The following DESI2 variants were observed in gnomAD, a reference collection of about 807,000 sequenced individuals.
The protein encoded by DESI2 is desumoylating isopeptidase 2, also known as deubiquitinase DESI2.
A neutral mutation model predicts 24.1 loss-of-function variants in DESI2; 10 were observed. The observed-to-expected ratio is 0.41, with a 90% CI of 0.26 to 0.70. The LOEUF is 0.70. Among genes scored for constraint, DESI2 ranks in the 30% least tolerant of loss-of-function variants. The probability of loss-of-function intolerance (pLI) is 0.29; values close to 1 mark genes in which losing one functional copy is unlikely to be tolerated. For synonymous variants in DESI2, 71 were observed against 87.7 expected, an observed-to-expected ratio of 0.81 and a Z score of 1.06; for missense variants, 122 against 234.9, an observed-to-expected ratio of 0.52 and a Z score of 3.14.
In DESI2 at chr1:244,689,437, A is replaced by AG; in HGVS notation, c.209+96dup. On this transcript the variant is annotated intron_variant, in intron 3 of 4. Transcript: ENST00000302550. This position sits in a 1 kb window ranked among gnomAD's most constrained non-coding sequence, Gnocchi z 4.0. ...CATTCTGTAAATCAAAACAAACCCA[A>AG]GAAGTTAAAAATGTCTCTTTGTTTT... is the stretch of plus-strand genomic sequence containing the variant. 1 of 619,834 alleles carries AG rather than the reference A, an allele frequency of 1.6e-6. No homozygotes were observed. The highest frequency in any genetic ancestry group is 2.3e-5 in the South Asian group (1 of 43,744). The allele number at this position is 619,834 out of a possible 1,614,324, so 38.4% of individuals were successfully genotyped here.
Position 244,706,041 on chromosome 1 carries a change from T to C in DESI2, c.*252T>C, listed in dbSNP as rs961261420. The C allele has an allele frequency of 2.1e-6, 1 of 471,130 alleles. No individual in the cohort carries two copies. Among genetic ancestry groups the C allele is most frequent in the African/African-American group, 2.0e-5 (1 of 51,204 alleles). The allele number at this position is 471,130 out of a possible 1,614,324, so 29.2% of individuals were successfully genotyped here. On this transcript the variant is annotated 3_prime_UTR_variant, in exon 5 of 5. Transcript: ENST00000302550. Reference sequence around the variant, plus strand: ...ATCTGGATTTATTTCTTCTGTTTTATACAAGCTCTGTTAAGTTATGTTTAC... The same window carrying C: ...ATCTGGATTTATTTCTTCTGTTTTACACAAGCTCTGTTAAGTTATGTTTAC...
intron 1 of DESI2, among the ~76,000 whole-genome samples, chr1:244,659,696 G>A (rs181254283): frequency 6.6e-6 from 1 of 152,272 alleles, no homozygotes; most frequent in Admixed American, 6.5e-5. Context: ...AGATATTCCA[G>A]GATAATTTCC....
chr1:244,705,244 T>C (rs1677648402), intron 4 of DESI2, among the ~76,000 whole-genome samples: 1 of 152,214 alleles, frequency 6.6e-6, no homozygotes, highest in Non-Finnish European at 1.5e-5. Flanking sequence ...TTCAAAGTAC[T>C]TTTCAGTGTG....
At chr1:244,680,714 T>C (rs1285174695) in intron 1 of DESI2, among the ~76,000 whole-genome samples, 1 of 152,176 alleles carries the variant, frequency 6.6e-6, no homozygotes, top group East Asian at 1.9e-4. Context: ...ATAGTGGGGG[T>C]TGGCAAGTGA....
intron 4 of DESI2, among the ~76,000 whole-genome samples, chr1:244,694,111 A>T (rs61844161): frequency 0.014 from 2,095 of 152,350 alleles, 17 homozygotes; most frequent in Middle Eastern, 0.024. Flanking sequence ...TTGTTGATAT[A>T]TGTACTTTTC....
At chr1:244,662,912 T>G (rs1052325202) in intron 1 of DESI2, among the ~76,000 whole-genome samples, 1 of 152,136 alleles carries the variant, frequency 6.6e-6, no homozygotes, top group Non-Finnish European at 1.5e-5. Context: ...ATTGTTGATT[T>G]AAGTTCTCAG....
At chr1:244,659,057 G>A (rs1488109139) in intron 1 of DESI2, among the ~76,000 whole-genome samples, 2 of 150,406 alleles carry the variant, frequency 1.3e-5, no homozygotes, top group Non-Finnish European at 3.0e-5. Context: ...TAAACGGTAA[G>A]GAATTTACCT....
chr1:244,678,003 C>A (rs1042559413), intron 1 of DESI2, among the ~76,000 whole-genome samples: 1 of 152,162 alleles, frequency 6.6e-6, no homozygotes, highest in Non-Finnish European at 1.5e-5. Flanking sequence ...AGGAATATAT[C>A]TCTAGGTTTA....
chr1:244,703,901 G>A (rs1380573020), intron 4 of DESI2, among the ~76,000 whole-genome samples: 2 of 151,906 alleles, frequency 1.3e-5, no homozygotes, highest in Non-Finnish European at 2.9e-5. Flanking sequence ...CTCATGATCT[G>A]CCCGCCTCGG....
intron 4 of DESI2, among the ~76,000 whole-genome samples, chr1:244,698,285 T>A (rs1252980744): frequency 1.3e-5 from 2 of 152,236 alleles, no homozygotes; most frequent in African/African-American, 4.8e-5. Flanking sequence ...AAAATATGTC[T>A]CACAGCCGAT....
intron 1 of DESI2, among the ~76,000 whole-genome samples, chr1:244,663,939 A>ACCTGGGAGGCGGAGGTT (rs1397330844): frequency 6.7e-6 from 1 of 150,166 alleles, no homozygotes; most frequent in Non-Finnish European, 1.5e-5. Flanking sequence ...AATGGCGTGA[A>ACCTGGGAGGCGGAGGTT]CCTGGGAGGC....
chr1:244,683,639 T>A (rs1334475313), intron 1 of DESI2, among the ~76,000 whole-genome samples: 1 of 152,152 alleles, frequency 6.6e-6, no homozygotes, highest in African/African-American at 2.4e-5. Flanking sequence ...TGCAACTTGC[T>A]TTTGTTTCCC....
intron 1 of DESI2, among the ~76,000 whole-genome samples, chr1:244,682,186 T>C (rs772070056): frequency 6.6e-6 from 1 of 152,208 alleles, no homozygotes; most frequent in Admixed American, 6.5e-5. Flanking sequence ...AGGTTGTGGC[T>C]GCTGGCTTGG....
chr1:244,686,970 T>C (rs1676848971), intron 2 of DESI2, among the ~76,000 whole-genome samples: 1 of 152,222 alleles, frequency 6.6e-6, no homozygotes. Context: ...AAATGACAGT[T>C]TGTTTTGTTC....
chr1:244,670,206 C>G (rs1370662500), intron 1 of DESI2, among the ~76,000 whole-genome samples: 1 of 152,212 alleles, frequency 6.6e-6, no homozygotes, highest in South Asian at 2.1e-4. Context: ...ATCCACCTGC[C>G]TCGGCCTCCC....
intron 1 of DESI2, chr1:244,653,713 G>GCTGCCCCGGGA: frequency 2.7e-6 from 1 of 375,410 alleles, no homozygotes; most frequent in South Asian, 2.4e-5. Context: ...GGCCCCCGGG[G>GCTGCCCCGGGA]CTGCCCCGGG....
At chr1:244,696,885 A>AGGAC (rs5782303) in intron 4 of DESI2, among the ~76,000 whole-genome samples, 7,992 of 152,208 alleles carry the variant, frequency 0.053, 247 homozygotes, top group Middle Eastern at 0.085. Flanking sequence ...ATTTTGGCAG[A>AGGAC]GGACGCCTGC....
intron 1 of DESI2, among the ~76,000 whole-genome samples, chr1:244,678,958 GA>G (rs1676506652): frequency 6.6e-6 from 1 of 152,202 alleles, no homozygotes; most frequent in Non-Finnish European, 1.5e-5. Flanking sequence ...GGCTGCCAAG[GA>G]AACCACTACG....
At chr1:244,653,724 A>T (rs1372936883) in intron 1 of DESI2, 9 of 354,100 alleles carry the variant, frequency 2.5e-5, no homozygotes, top group Middle Eastern at 8.7e-4. Context: ...CTGCCCCGGG[A>T]CCCCCGTCCC....
Sources: gnomAD v4.1 joint callset for allele counts (sites outside exome capture counted in the v4.1 genomes callset) on GRCh38, gnomAD v4.1.1 for gene constraint, Gnocchi (gnomAD v3.1) non-coding constraint, MANE v1.5 for transcripts, NCBI Gene and HGNC (gene_info 2026-07-23, HGNC 2026-07-21) for gene names.